The following THSD7B variants were observed in gnomAD, a reference collection of about 807,000 sequenced individuals.
The protein encoded by THSD7B is thrombospondin type 1 domain containing 7B.
THSD7B carries 138 observed loss-of-function variants against 213.6 expected under a neutral mutation model. That is an observed-to-expected ratio of 0.65 (90% CI 0.56 to 0.74). The LOEUF (loss-of-function observed/expected upper bound fraction) is 0.74, where lower values mean the gene tolerates loss of function less well. THSD7B is among the 30% of genes least tolerant of loss of function. THSD7B has a pLI of 0.00. For synonymous variants in THSD7B, 742 were observed against 687.0 expected (o/e 1.08, Z -1.25); for missense variants, 1,931 against 1,991.5 (o/e 0.97, Z 0.58).
chr2:137,386,778 C>T (rs1464115421), intron 12 of THSD7B, among the ~76,000 whole-genome samples: 1 of 152,096 alleles, frequency 6.6e-6, no homozygotes, highest in African/African-American at 2.4e-5. Flanking sequence ...AGAGGTGATA[C>T]AGGGCAAAAA....
chr2:137,612,245 G>A (rs1450571830), intron 17 of THSD7B, among the ~76,000 whole-genome samples: 1 of 152,146 alleles, frequency 6.6e-6, no homozygotes, highest in Non-Finnish European at 1.5e-5. Context: ...AATTTTTGCT[G>A]ATCACCCAGA....
chr2:136,995,033 C>G (rs1213228671), intron 2 of THSD7B, among the ~76,000 whole-genome samples: 2 of 152,162 alleles, frequency 1.3e-5, no homozygotes, highest in African/African-American at 4.8e-5. Flanking sequence ...TTTCTGTAGT[C>G]TTTCTAAAAG....
intron 4 of THSD7B, among the ~76,000 whole-genome samples, chr2:137,095,993 T>A (rs1401529668): frequency 6.6e-6 from 1 of 152,140 alleles, no homozygotes; most frequent in Non-Finnish European, 1.5e-5. Flanking sequence ...TGAGCCACCA[T>A]GCTGTGCCTG....
chr2:137,229,911 C>A (rs947617850), intron 7 of THSD7B, among the ~76,000 whole-genome samples: 1 of 152,138 alleles, frequency 6.6e-6, no homozygotes, highest in Non-Finnish European at 1.5e-5. Context: ...GTCCCCTTCG[C>A]GTTTATTTTT....
chr2:137,116,424 G>T (rs1439281798), intron 5 of THSD7B, among the ~76,000 whole-genome samples: 2 of 152,204 alleles, frequency 1.3e-5, no homozygotes, highest in African/African-American at 4.8e-5. Flanking sequence ...ACAGAATTTA[G>T]ATTAAAAGGC....
At chr2:137,195,163 CT>C (rs1230601077) in intron 7 of THSD7B, among the ~76,000 whole-genome samples, 1 of 151,896 alleles carries the variant, frequency 6.6e-6, no homozygotes, top group African/African-American at 2.4e-5. Flanking sequence ...ATTTAAACCT[CT>C]TCTAAAAAAC....
intron 12 of THSD7B, among the ~76,000 whole-genome samples, chr2:137,280,997 T>G (rs1682994532): frequency 6.6e-6 from 1 of 152,148 alleles, no homozygotes; most frequent in Admixed American, 6.6e-5. Flanking sequence ...GAGTATACTC[T>G]GTCAGCGACA....
chr2:137,367,611 T>C (rs1685450735), intron 12 of THSD7B, among the ~76,000 whole-genome samples: 2 of 152,146 alleles, frequency 1.3e-5, no homozygotes, highest in African/African-American at 4.8e-5. Flanking sequence ...ATTAGTCTGC[T>C]TCAGAGGGCA....
At chr2:136,965,182 C>T (rs1685292210) in intron 2 of THSD7B, among the ~76,000 whole-genome samples, 1 of 152,156 alleles carries the variant, frequency 6.6e-6, no homozygotes, top group Admixed American at 6.5e-5. Flanking sequence ...TTATCTGCCT[C>T]TCATGTAGCA....
At chr2:137,066,059 G>A (rs1032687162) in intron 3 of THSD7B, among the ~76,000 whole-genome samples, 1 of 151,310 alleles carries the variant, frequency 6.6e-6, no homozygotes, top group Non-Finnish European at 1.5e-5. Context: ...CCTCCTCTCT[G>A]AAGCTTCTTT....
chr2:136,770,941 A>G (rs1236315134), intron 1 of THSD7B, among the ~76,000 whole-genome samples: 1 of 152,120 alleles, frequency 6.6e-6, no homozygotes, highest in African/African-American at 2.4e-5. Context: ...CTTAGAAAAT[A>G]TAAAATAAGG....
chr2:136,997,377 T>C (rs921870161), intron 2 of THSD7B, among the ~76,000 whole-genome samples: 2 of 152,230 alleles, frequency 1.3e-5, no homozygotes, highest in African/African-American at 4.8e-5. Flanking sequence ...ATTTGTTTCA[T>C]TGGGGATTAA....
At chr2:137,584,410 T>G (rs1182143430) in intron 17 of THSD7B, among the ~76,000 whole-genome samples, 1 of 152,224 alleles carries the variant, frequency 6.6e-6, no homozygotes, top group Non-Finnish European at 1.5e-5. Context: ...TCCTGTCTTG[T>G]GCCAGTTTTC....
intron 12 of THSD7B, among the ~76,000 whole-genome samples, chr2:137,345,464 C>CTAGACA (rs1684856676): frequency 6.6e-6 from 1 of 151,626 alleles, no homozygotes; most frequent in Non-Finnish European, 1.5e-5. Flanking sequence ...ATGATGCTTT[C>CTAGACA]TAGACATAGA....
chr2:136,969,604 A>G (rs894832384), intron 2 of THSD7B, among the ~76,000 whole-genome samples: 3 of 152,088 alleles, frequency 2.0e-5, no homozygotes, highest in African/African-American at 7.2e-5. Flanking sequence ...TTTTTTTGCA[A>G]AAATATTTTG....
intron 2 of THSD7B, among the ~76,000 whole-genome samples, chr2:137,001,035 A>G (rs949629879): frequency 6.6e-6 from 1 of 152,154 alleles, no homozygotes; most frequent in Non-Finnish European, 1.5e-5. Flanking sequence ...CAGAATAAAA[A>G]TAAGAGGCTG....
intron 26 of THSD7B, among the ~76,000 whole-genome samples, 164 bp downstream of exon 26, chr2:137,663,739 T>C (rs62166261): frequency 0.11 from 17,394 of 152,252 alleles, 1,037 homozygotes; most frequent in Middle Eastern, 0.17. Flanking sequence ...TTACATGATA[T>C]ATGAGTCCCT....
chr2:137,116,986 T>A (rs1046963389), intron 5 of THSD7B, among the ~76,000 whole-genome samples: 2 of 152,124 alleles, frequency 1.3e-5, no homozygotes, highest in Non-Finnish European at 2.9e-5. Context: ...ATAGTCCAGT[T>A]CTCAGGGGGA....
chr2:136,772,377 G>A (rs1681523754), intron 1 of THSD7B, among the ~76,000 whole-genome samples: 1 of 152,078 alleles, frequency 6.6e-6, no homozygotes. Flanking sequence ...GCTGCATTTT[G>A]ATTTTGCACA....
Sources: allele counts gnomAD v4.1 joint callset (sites outside exome capture counted in the v4.1 genomes callset), GRCh38; gene constraint gnomAD v4.1.1; transcripts MANE v1.5; gene names NCBI Gene and HGNC (gene_info 2026-07-23, HGNC 2026-07-21).